The following ACSM5 variants were observed in gnomAD, a reference collection of about 807,000 sequenced individuals.
ACSM5 encodes the protein acyl-coenzyme A synthetase ACSM5, mitochondrial.
Under a neutral mutation model 71.6 loss-of-function variants are expected in ACSM5, and 56 were observed. That is an observed-to-expected ratio of 0.78 (90% CI 0.63 to 0.98). The LOEUF is 0.98. Ranked by LOEUF, ACSM5 falls within the 50% of genes least tolerant of loss-of-function variation. The pLI is 0.00. For missense variants in ACSM5, 723 were observed against 726.0 expected (o/e 1.00, Z 0.05); for synonymous variants, 285 against 281.5 (o/e 1.01, Z -0.12).
At chr16:20,438,081 G>T (rs1042702032) in intron 12 of ACSM5, among the ~76,000 whole-genome samples, 1 of 151,790 alleles carries the variant, frequency 6.6e-6, no homozygotes, top group African/African-American at 2.4e-5. Context: ...CACCCACCCC[G>T]GCTCCCAAAG....
At position 20,439,957 on chromosome 16, in the gene ACSM5, A is replaced by G. The variant is rs753842894; in HGVS notation, c.1656+38A>G. 45 of 1,609,738 alleles carry G rather than the reference A, an allele frequency of 2.8e-5. 2 individuals are homozygous for G. The highest frequency in any genetic ancestry group is 3.1e-5 in the Non-Finnish European group (37 of 1,177,082). ...GTTTCCAGGGCACAGTGATCTGGGA[A>G]TCAGATGGGCACGCTCTGCCTGGGC... On this transcript the variant is annotated intron_variant, in intron 13 of 13. Coordinates refer to ENST00000331849, the MANE Select transcript of ACSM5 (RefSeq NM_017888.3).
In ACSM5 at chr16:20,433,037, T is replaced by G. The variant is rs1967131389; in HGVS notation, c.1308+1716T>G. On this transcript the variant is annotated intron_variant, in intron 10 of 13. Transcript: ENST00000331849. ...TTCACCGGGGTAATTTTGGTATTTT[T>G]AGTAGAGACAGGGTTTTGCCACCTT... 2.0e-5 allele frequency among the ~76,000 whole-genome samples: 3 copies of G among 152,000 alleles called. No individual in the cohort carries two copies. The South Asian group carries it at 6.2e-4, about 32-fold the overall frequency.
At chr16:20,423,835 A>G in intron 5 of ACSM5, 81 bp from the exon 6 acceptor site, 1 of 1,544,768 alleles carries the variant, frequency 6.5e-7, no homozygotes, top group Non-Finnish European at 8.8e-7. Context: ...CAGGGCTCCA[A>G]ATGTGGTGAT....
intron 4 of ACSM5, 167 bp from the exon 5 acceptor site, chr16:20,421,091 G>C: frequency 1.4e-6 from 1 of 728,672 alleles, no homozygotes; most frequent in East Asian, 3.3e-5. Context: ...TATAATGATA[G>C]TACCTACCCC....
intron 6 of ACSM5, among the ~76,000 whole-genome samples, chr16:20,425,359 T>C (rs920807584): frequency 1.3e-5 from 2 of 152,218 alleles, no homozygotes; most frequent in African/African-American, 2.4e-5. Context: ...TGTGTATATG[T>C]ACATCTTCTT....
At chr16:20,411,338 G>A in intron 1 of ACSM5, 132 bp from the exon 2 acceptor site, 3 of 705,594 alleles carry the variant, frequency 4.3e-6, no homozygotes, top group South Asian at 3.6e-5. Flanking sequence ...GACTGAAGGT[G>A]GAGAGTTTAT....
At chr16:20,421,648 T>TACACACAC (rs1158316155) in intron 5 of ACSM5, among the ~76,000 whole-genome samples, 4 of 127,112 alleles carry the variant, frequency 3.1e-5, no homozygotes, top group Non-Finnish European at 4.9e-5. Flanking sequence ...TATATATATA[T>TACACACAC]ATATATATAC....
intron 2 of ACSM5, among the ~76,000 whole-genome samples, chr16:20,417,023 CAAAA>C (rs35498393): frequency 7.7e-6 from 1 of 130,084 alleles, no homozygotes; most frequent in African/African-American, 2.9e-5. Context: ...AGTGGCATGG[CAAAA>C]AAAAAAAAAA....
chr16:20,423,879 A>G (rs1378171280), intron 5 of ACSM5, 37 bp from the exon 6 acceptor site: 1 of 1,612,032 alleles, frequency 6.2e-7, no homozygotes, highest in East Asian at 2.2e-5. Context: ...AGGTAGAGTC[A>G]TTGCCAAGGT....
intron 12 of ACSM5, among the ~76,000 whole-genome samples, chr16:20,438,630 G>A (rs1230713600): frequency 6.6e-6 from 1 of 151,664 alleles, no homozygotes; most frequent in Non-Finnish European, 1.5e-5. Context: ...TCCATGTATG[G>A]TGCTTAGAAC....
chr16:20,438,737 C>T (rs1267413685), intron 12 of ACSM5, among the ~76,000 whole-genome samples: 4 of 151,096 alleles, frequency 2.6e-5, no homozygotes, highest in Admixed American at 6.6e-5. Context: ...GGGTGGATCA[C>T]GAGGTCAGGA....
chr16:20,436,753 G>A (rs1567348388), intron 10 of ACSM5, among the ~76,000 whole-genome samples: 2 of 152,062 alleles, frequency 1.3e-5, no homozygotes, highest in Admixed American at 6.6e-5. Flanking sequence ...ACAGCCAGTG[G>A]CCCTGTGCCC....
intron 10 of ACSM5, among the ~76,000 whole-genome samples, chr16:20,436,649 G>A (rs937457925): frequency 1.3e-5 from 2 of 152,068 alleles, no homozygotes; most frequent in African/African-American, 4.8e-5. Flanking sequence ...GGATTATAGG[G>A]ATGAGCCACC....
chr16:20,410,400 C>A (rs1313735334), intron 1 of ACSM5, among the ~76,000 whole-genome samples: 1 of 152,104 alleles, frequency 6.6e-6, no homozygotes, highest in Non-Finnish European at 1.5e-5. Context: ...GGTGGGGTCC[C>A]ATCTGCTGGT....
intron 10 of ACSM5, among the ~76,000 whole-genome samples, chr16:20,435,936 T>TTTCC (rs142089110): frequency 0.083 from 12,418 of 148,920 alleles, 617 homozygotes; most frequent in East Asian, 0.18. Context: ...CTTTCTTTTC[T>TTTCC]TTCCTTCCTT....
At chr16:20,436,147 T>TCCCC (rs1567348166) in intron 10 of ACSM5, among the ~76,000 whole-genome samples, 1 of 127,502 alleles carries the variant, frequency 7.8e-6, no homozygotes, top group African/African-American at 3.2e-5. Flanking sequence ...CTTTTCCTTC[T>TCCCC]TCCCTCCCTC....
At chr16:20,415,999 C>G (rs116788918) in intron 2 of ACSM5, among the ~76,000 whole-genome samples, 15 of 151,738 alleles carry the variant, frequency 9.9e-5, no homozygotes, top group Non-Finnish European at 1.9e-4. Flanking sequence ...TCAAAAAGAA[C>G]GAAATACATA....
chr16:20,424,041 C>T lies in ACSM5; in HGVS notation c.893C>T (p.Pro298Leu), dbSNP rs1465042054. Residue 298 changes from proline to leucine, a missense_variant, in exon 6 of 14, where the codon CCC (proline) becomes CTC (leucine). Pro to Leu is a moderately conservative substitution (Grantham distance 98, BLOSUM62 -3). Transcript: ENST00000331849. ...NGSCIFVHEL[P>L]RVDAKVILNT... ...TCTTGCATTTTTGTGCATGAGCTGC[C>T]CCGAGTTGATGCCAAAGTTATCCTG... 6.2e-7 allele frequency: 1 copy of T among 1,613,888 alleles called. No homozygotes were observed. Among genetic ancestry groups the T allele is most frequent in the East Asian group, 2.2e-5 (1 of 44,874 alleles).
At chr16:20,412,242 A>G (rs1351691641) in intron 2 of ACSM5, 1 of 154,234 alleles carries the variant, frequency 6.5e-6, no homozygotes, top group East Asian at 1.9e-4. Flanking sequence ...AGTCCCAGCT[A>G]CTTTGGAGGC....
Sources: allele counts gnomAD v4.1 joint callset (sites outside exome capture counted in the v4.1 genomes callset), GRCh38; gene constraint gnomAD v4.1.1; transcripts MANE v1.5; gene names NCBI Gene and HGNC (gene_info 2026-07-23, HGNC 2026-07-21).